PAM: variants seen among roughly 807,000 people sequenced by gnomAD.
PAM encodes peptidyl-glycine alpha-amidating monooxygenase.
A neutral mutation model predicts 122.1 loss-of-function variants in PAM; 72 were observed. The observed-to-expected ratio is 0.59, with a 90% CI of 0.49 to 0.72. The LOEUF is 0.72. Ranked by LOEUF, PAM falls within the 30% of genes least tolerant of loss-of-function variation. PAM has a pLI of 0.00. For synonymous variants in PAM, 389 were observed against 404.4 expected, an observed-to-expected ratio of 0.96 and a Z score of 0.46; for missense variants, 1,106 against 1,183.7, an observed-to-expected ratio of 0.93 and a Z score of 0.96.
intron 1 of PAM, among the ~76,000 whole-genome samples, chr5:102,820,502 T>G (rs1346944450): frequency 6.6e-6 from 1 of 152,154 alleles, no homozygotes; most frequent in African/African-American, 2.4e-5. Context: ...GGGTTGATAA[T>G]TATGTAGAAA....
At chr5:103,019,738 A>G (rs992164109) in intron 22 of PAM, 52 bp from the exon 23 acceptor site, 15 of 1,192,334 alleles carry the variant, frequency 1.3e-5, no homozygotes, top group Non-Finnish European at 1.9e-5. Flanking sequence ...AAATTTTCAA[A>G]TGTTCTTTTT....
chr5:102,970,991 G>A (rs556457191), intron 14 of PAM, among the ~76,000 whole-genome samples: 1 of 152,198 alleles, frequency 6.6e-6, no homozygotes, highest in East Asian at 1.9e-4. Flanking sequence ...ATTTTTAGTA[G>A]AGATGGGGTT....
At chr5:102,763,932 G>A (rs1753133241) in intron 1 of PAM, among the ~76,000 whole-genome samples, 1 of 152,176 alleles carries the variant, frequency 6.6e-6, no homozygotes. Context: ...GTGGGGGCGT[G>A]AGTTGGATTG....
chr5:102,881,425 G>C (rs1791045104), intron 3 of PAM, among the ~76,000 whole-genome samples: 1 of 151,938 alleles, frequency 6.6e-6, no homozygotes, highest in Non-Finnish European at 1.5e-5. Context: ...ATGATATACA[G>C]AGCTTTTAAG....
intron 7 of PAM, among the ~76,000 whole-genome samples, chr5:102,936,374 A>C (rs1223070689): frequency 6.6e-6 from 1 of 152,138 alleles, no homozygotes; most frequent in Non-Finnish European, 1.5e-5. Context: ...GCCCCCAAAA[A>C]TTTAGGACAT....
rs139904796 is a variant in PAM at position 102,834,917 on chromosome 5, C to G, written c.-373-30906C>G. Among the ~76,000 whole-genome samples, 5 of 152,158 alleles carry G rather than the reference C, an allele frequency of 3.3e-5. No individual in the cohort carries two copies. In the East Asian group the frequency reaches 9.7e-4, roughly 29 times the overall value. ...GGAGGCAGTTACAGTAACCTGGACA[C>G]AAAGATAGTGTCTATCTACCTACTG... On this transcript the variant is annotated intron_variant, in intron 1 of 25. Coordinates refer to ENST00000438793, the MANE Select transcript of PAM (RefSeq NM_001177306.2).
intron 3 of PAM, among the ~76,000 whole-genome samples, chr5:102,871,269 C>T (rs1279662509): frequency 6.6e-6 from 1 of 152,102 alleles, no homozygotes. Flanking sequence ...TGTTCAGTTG[C>T]CTTGCACATG....
Position 102,882,110 on chromosome 5 carries a change from T to TACAC in PAM, c.210+14718_210+14721dup, listed in dbSNP as rs58732753. Among the ~76,000 whole-genome samples, 12 of 103,792 alleles carry TACAC rather than the reference T, an allele frequency of 1.2e-4. 2 individuals are homozygous for TACAC. The highest frequency in any genetic ancestry group is 3.9e-4 in the African/African-American group (10 of 25,450). The allele number at this position is 103,792 out of a possible 152,430, so 68.1% of individuals were successfully genotyped here. On this transcript the variant is annotated intron_variant, in intron 3 of 25. Coordinates refer to ENST00000438793, the MANE Select transcript of PAM (RefSeq NM_001177306.2). ...ATATATATATATATATATATATATA[T>TACAC]ACACCACATTTTCTTTATCCACTCA...
At position 102,812,386 on chromosome 5, in the gene PAM, G is replaced by A. The variant is rs770827415; in HGVS notation, c.-373-53437G>A. Among the ~76,000 whole-genome samples, 27 of 151,982 alleles carry A rather than the reference G, an allele frequency of 1.8e-4. 1 individual carries two copies. The highest frequency in any genetic ancestry group is 5.9e-4 in the Admixed American group (9 of 15,246). On this transcript the variant is annotated intron_variant, in intron 1 of 25. Coordinates refer to ENST00000438793, the MANE Select transcript of PAM (RefSeq NM_001177306.2). The stretch of plus-strand genomic sequence containing the variant: ...GTATTTTAACTTCTGCTAAATACAA[G>A]TGGTAAAGATGCAGAAGAGAGACTA...
intron 17 of PAM, among the ~76,000 whole-genome samples, chr5:103,003,548 C>G (rs923488186): frequency 6.6e-6 from 1 of 152,110 alleles, no homozygotes; most frequent in East Asian, 1.9e-4. Flanking sequence ...GTCATAACAT[C>G]ACATTGTACC....
At chr5:102,875,264 C>T (rs1788781458) in intron 3 of PAM, among the ~76,000 whole-genome samples, 1 of 152,018 alleles carries the variant, frequency 6.6e-6, no homozygotes, top group Admixed American at 6.6e-5. Context: ...ACAGTCAAAG[C>T]TCACTGCTAC....
intron 4 of PAM, among the ~76,000 whole-genome samples, chr5:102,903,643 A>G (rs1798656928): frequency 6.6e-6 from 1 of 151,546 alleles, no homozygotes; most frequent in Admixed American, 6.6e-5. Context: ...ACACTGTAAG[A>G]TACTGAAAGC....
In PAM at chr5:102,824,115, A is replaced by G. The variant is rs150824142; in HGVS notation, c.-373-41708A>G. On this transcript the variant is annotated intron_variant, in intron 1 of 25. Coordinates refer to ENST00000438793, the MANE Select transcript of PAM (RefSeq NM_001177306.2). The stretch of plus-strand genomic sequence containing the variant: ...TTAGGGAAGCAGCATTAAAGATGCT[A>G]TTGATCCTTAATTCAAGACCATACT... Among the ~76,000 whole-genome samples, 191 of 152,332 alleles carry G rather than the reference A, an allele frequency of 1.3e-3. 1 individual carries two copies. The highest frequency in any genetic ancestry group is 4.1e-3 in the African/African-American group (171 of 41,580).
rs907156496 is a variant in PAM, at chr5:102,866,655, A to G, written c.89+371A>G. ...GGAGAAGCAGATCATAGACTGTAAT[A>G]GCTCACAAGGAAACACTGAGCTGTA... On this transcript the variant is annotated intron_variant, in intron 2 of 25. Transcript: ENST00000438793. The G allele has an allele frequency of 6.5e-5, 13 of 200,356 alleles. No homozygotes were observed. In the South Asian group the frequency reaches 1.2e-3, roughly 19 times the overall value. The allele number at this position is 200,356 out of a possible 1,614,324, so 12.4% of individuals were successfully genotyped here.
chr5:102,918,525 T>TA (rs1482609879), intron 5 of PAM, among the ~76,000 whole-genome samples: 1 of 152,116 alleles, frequency 6.6e-6, no homozygotes, highest in Non-Finnish European at 1.5e-5. Flanking sequence ...TTAAAGTAAG[T>TA]AAATTTAAAT....
chr5:103,026,857 TGTG>T (rs1329630713), intron 24 of PAM, among the ~76,000 whole-genome samples: 3 of 152,120 alleles, frequency 2.0e-5, no homozygotes, highest in East Asian at 3.9e-4. Flanking sequence ...TGGCAGGAAT[TGTG>T]GTAACCAACC....
intron 12 of PAM, among the ~76,000 whole-genome samples, chr5:102,952,555 T>C (rs1282737005): frequency 6.6e-6 from 1 of 152,020 alleles, no homozygotes; most frequent in Admixed American, 6.6e-5. Context: ...ATTTAATTTC[T>C]ACTACAGAGG....
intron 2 of PAM, 98 bp downstream of exon 2, chr5:102,866,382 T>A: frequency 1.3e-6 from 1 of 782,582 alleles, no homozygotes; most frequent in East Asian, 2.6e-5. Context: ...GGGTTGATGT[T>A]CTTTGCTGGA....
In PAM at chr5:103,019,817, C is replaced by T; in HGVS notation, c.2459C>T (p.Ala820Val). Residue 820 changes from alanine to valine, a missense_variant, in exon 23 of 26, where the codon GCT becomes GTT. This residue lies in a region of PAM where 333 missense variants were observed against 335.6 expected (regional missense o/e 0.99). Transcript: ENST00000438793. ...TTGGAACATCGATCAGTTAAAAAGG[C>T]TGGCATTGAGGTCCAGGAAATCAAA... ...EKLEHRSVKK[A>V]GIEVQEIKEA... 6.2e-7 allele frequency: 1 copy of T among 1,608,564 alleles called. No individual in the cohort carries two copies. The highest frequency in any genetic ancestry group is 8.5e-7 in the Non-Finnish European group (1 of 1,175,094).
Sources: gnomAD v4.1 joint callset for allele counts (sites outside exome capture counted in the v4.1 genomes callset) on GRCh38, gnomAD v4.1.1 for gene constraint, gnomAD v4.1.1 regional missense constraint, MANE v1.5 for transcripts, NCBI Gene and HGNC (gene_info 2026-07-23, HGNC 2026-07-21) for gene names.